MAP4K5: variants seen among roughly 807,000 people sequenced by gnomAD.
MAP4K5 encodes MAPK/ERK kinase kinase kinase 5.
In MAP4K5, 82 loss-of-function variants were observed where a neutral mutation model predicts 135.6. That is an observed-to-expected ratio of 0.60 (90% CI 0.51 to 0.73). The LOEUF (loss-of-function observed/expected upper bound fraction) is 0.73, where lower values mean the gene tolerates loss of function less well. Among genes scored for constraint, MAP4K5 ranks in the 30% least tolerant of loss-of-function variants. The pLI, the probability that MAP4K5 is intolerant of heterozygous loss-of-function variation, is 0.00. For synonymous variants in MAP4K5, 347 were observed against 335.0 expected, an observed-to-expected ratio of 1.04 and a Z score of -0.39; for missense variants, 907 against 1,010.9, an observed-to-expected ratio of 0.90 and a Z score of 1.39.
At chr14:50,554,364 C>A (rs1391847241) in intron 1 of MAP4K5, among the ~76,000 whole-genome samples, 1 of 152,170 alleles carries the variant, frequency 6.6e-6, no homozygotes, top group East Asian at 1.9e-4. Flanking sequence ...GTTTTGTATA[C>A]TGTAGATGTG....
chr14:50,504,731 G>C (rs1006384668), intron 3 of MAP4K5, 69 bp downstream of exon 3: 13 of 1,119,654 alleles, frequency 1.2e-5, no homozygotes, highest in Non-Finnish European at 1.5e-5. Flanking sequence ...ACTTCTTCTG[G>C]GAAGAAGGGA....
chr14:50,535,503 C>T (rs766736136), upstream of MAP4K5, among the ~76,000 whole-genome samples: 1 of 152,184 alleles, frequency 6.6e-6, no homozygotes, highest in Non-Finnish European at 1.5e-5. Context: ...CTCTATAGAT[C>T]TGTTAAACAG....
At position 50,440,064 on chromosome 14, in the gene MAP4K5, G is replaced by A. The variant is rs756534716; in HGVS notation, c.1654C>T (p.Arg552Trp). Residue 552 changes from arginine to tryptophan, a missense_variant, in exon 23 of 33, where the codon CGG becomes TGG. Transcript: ENST00000682126. The stretch of plus-strand genomic sequence containing the variant: ...ATAACATACAGCCAAGTACACTTCC[G>A]TGGAAATAACTAAGAAAAAGAAGAT... Reference protein sequence around the residue: ...HEATMEQLFPRKCTWLYVINN... With the variant: ...HEATMEQLFPWKCTWLYVINN... 4.2e-5 allele frequency: 64 copies of A among 1,509,486 alleles called. No individual in the cohort carries two copies. Among genetic ancestry groups the A allele is most frequent in the Non-Finnish European group, 5.2e-5 (57 of 1,105,372 alleles). 93.5% of individuals were successfully genotyped at this position (1,509,486 alleles called of 1,614,324 possible).
upstream of MAP4K5, among the ~76,000 whole-genome samples, chr14:50,534,704 A>G (rs528087099): frequency 3.3e-5 from 5 of 152,344 alleles, no homozygotes; most frequent in African/African-American, 1.2e-4. Context: ...TCGAGACTCT[A>G]TGTGTCTGCT....
At chr14:50,560,517 C>G (rs1206173118) in intron 1 of MAP4K5, 1 of 608,720 alleles carries the variant, frequency 1.6e-6, no homozygotes, top group South Asian at 1.9e-5. Flanking sequence ...GCTGCAGCTT[C>G]GCGCAGGCCG....
rs768180939 is a variant in MAP4K5, at chr14:50,476,185, C to T, written c.427-15G>A. ...ATATTAGCACCCTAGAACAAAAATA[C>T]AAATACAATTAAATTAGCATCATAA... On this transcript the variant is annotated splice_polypyrimidine_tract_variant and intron_variant, in intron 7 of 32. Transcript: ENST00000682126. 16 of 1,495,944 alleles carry T rather than the reference C, an allele frequency of 1.1e-5. No individual in the cohort carries two copies. The highest frequency in any genetic ancestry group is 5.0e-5 in the East Asian group (2 of 39,798). 92.7% of individuals were successfully genotyped at this position (1,495,944 alleles called of 1,614,324 possible).
chr14:50,469,788 T>C (rs1336791707), intron 9 of MAP4K5, among the ~76,000 whole-genome samples: 1 of 152,184 alleles, frequency 6.6e-6, no homozygotes, highest in Non-Finnish European at 1.5e-5. Context: ...TTATAAAGTA[T>C]AGATGATACT....
At position 50,497,973 on chromosome 14, in the gene MAP4K5, T is replaced by C. The variant is rs183154190; in HGVS notation, c.166+6827A>G. Among the ~76,000 whole-genome samples the C allele has an allele frequency of 7.4e-4, 113 of 152,286 alleles. 1 individual carries two copies. Among genetic ancestry groups the C allele is most frequent in the Non-Finnish European group, 1.3e-3 (91 of 68,018 alleles). ...TAAGCTTAAAATATTATTTTGTAGTTTTGCCATAAAAGAGGGGTAATGGAA... is the reference window on the plus strand; with the variant it reads ...TAAGCTTAAAATATTATTTTGTAGTCTTGCCATAAAAGAGGGGTAATGGAA... On this transcript the variant is annotated intron_variant, in intron 3 of 32. Coordinates refer to ENST00000682126, the MANE Select transcript of MAP4K5 (RefSeq NM_006575.6).
At chr14:50,486,333 ATCTT>A (rs145891328) in intron 3 of MAP4K5, 139 bp from the exon 4 acceptor site, 3 of 481,734 alleles carry the variant, frequency 6.2e-6, no homozygotes, top group Non-Finnish European at 1.1e-5. Flanking sequence ...AACTGGTAGA[ATCTT>A]TCTATAAAGT....
intron 14 of MAP4K5, among the ~76,000 whole-genome samples, chr14:50,452,692 T>C (rs1283857440): frequency 6.6e-6 from 1 of 152,136 alleles, no homozygotes; most frequent in Admixed American, 6.5e-5. Context: ...AACAGTAAAA[T>C]AGGGTGTTGA....
chr14:50,487,590 T>A (rs939987413), intron 3 of MAP4K5, among the ~76,000 whole-genome samples: 1 of 152,226 alleles, frequency 6.6e-6, no homozygotes, highest in African/African-American at 2.4e-5. Context: ...ACGTATACCT[T>A]AAACATAAGT....
chr14:50,428,843 A>G (rs1232779072), intron 29 of MAP4K5, 89 bp from the exon 30 acceptor site: 2 of 707,790 alleles, frequency 2.8e-6, no homozygotes, highest in East Asian at 5.6e-5. Flanking sequence ...ATGGATATCA[A>G]ATAATATTCT....
chr14:50,489,928 G>A (rs935930262), intron 3 of MAP4K5, among the ~76,000 whole-genome samples: 1 of 152,146 alleles, frequency 6.6e-6, no homozygotes, highest in Non-Finnish European at 1.5e-5. Context: ...ACAGGAAAGG[G>A]AGAAATACTA....
At chr14:50,509,667 T>C (rs1229751514) in intron 2 of MAP4K5, among the ~76,000 whole-genome samples, 2 of 143,462 alleles carry the variant, frequency 1.4e-5, no homozygotes, top group African/African-American at 4.9e-5. Context: ...TCTAAAGAAC[T>C]GGAATTAAAA....
At chr14:50,542,997 T>C (rs1259632488) in intron 1 of MAP4K5, among the ~76,000 whole-genome samples, 1 of 152,202 alleles carries the variant, frequency 6.6e-6, no homozygotes, top group African/African-American at 2.4e-5. Flanking sequence ...AGAAGTATTA[T>C]GGATGGATTC....
At chr14:50,434,246 G>A (rs751037718) in intron 28 of MAP4K5, 148 bp downstream of exon 28, 12 of 602,486 alleles carry the variant, frequency 2.0e-5, no homozygotes, top group Admixed American at 9.3e-5. Context: ...ATAAATATAC[G>A]TACACGGTTC....
At chr14:50,547,149 G>T (rs767119664) in intron 1 of MAP4K5, among the ~76,000 whole-genome samples, 23 of 152,164 alleles carry the variant, frequency 1.5e-4, no homozygotes, top group Non-Finnish European at 2.9e-4. Context: ...AAATAAGTTA[G>T]AATAGTGATT....
intron 9 of MAP4K5, among the ~76,000 whole-genome samples, chr14:50,474,443 A>G (rs191460660): frequency 6.6e-6 from 1 of 152,154 alleles, no homozygotes; most frequent in Non-Finnish European, 1.5e-5. Flanking sequence ...GTCACCTTTT[A>G]TAACATTCAC....
chr14:50,495,170 G>A (rs1427702181), intron 3 of MAP4K5, among the ~76,000 whole-genome samples: 1 of 152,148 alleles, frequency 6.6e-6, no homozygotes, highest in African/African-American at 2.4e-5. Flanking sequence ...TTCAAATCCT[G>A]TATCTAAGAA....
Sources: gnomAD v4.1 joint callset for allele counts (sites outside exome capture counted in the v4.1 genomes callset) on GRCh38, gnomAD v4.1.1 for gene constraint, MANE v1.5 for transcripts, NCBI Gene and HGNC (gene_info 2026-07-23, HGNC 2026-07-21) for gene names.